PRH1: variants seen among roughly 807,000 people sequenced by gnomAD.
PRH1 encodes salivary acidic proline-rich phosphoprotein 1/2.
In PRH1, 7 loss-of-function variants were observed where a neutral mutation model predicts 7.9. The ratio of observed to expected loss-of-function variants is 0.89; its 90% CI spans 0.50 to 1.67. PRH1 has a LOEUF of 1.67. PRH1 is among the 40% of genes most tolerant of loss of function. The pLI, the probability that PRH1 is intolerant of heterozygous loss-of-function variation, is 0.00. For synonymous variants in PRH1, 45 were observed against 80.8 expected (o/e 0.56, Z 2.38); for missense variants, 109 against 223.6 (o/e 0.49, Z 3.27).
chr12:11,062,827 A>G (rs1295816097), intron 1 of PRH1, among the ~76,000 whole-genome samples: 1 of 152,172 alleles, frequency 6.6e-6, no homozygotes, highest in Non-Finnish European at 1.5e-5. Context: ...TTAAATACAC[A>G]GAATCCAAAC....
At chr12:11,076,296 T>C (rs1168857671) in intron 1 of PRH1, among the ~76,000 whole-genome samples, 1 of 120,188 alleles carries the variant, frequency 8.3e-6, no homozygotes, top group Admixed American at 8.5e-5. Context: ...AACATATCAT[T>C]AATACATTTC....
chr12:11,136,991 GA>G (rs1946576932), intron 1 of PRH1, among the ~76,000 whole-genome samples: 1 of 152,206 alleles, frequency 6.6e-6, no homozygotes, highest in Admixed American at 6.5e-5. Context: ...GGTCACAGAA[GA>G]GATTAAAATC....
chr12:10,986,846 T>G, intron 1 of PRH1: 1 of 1,535,434 alleles, frequency 6.5e-7, no homozygotes, highest in South Asian at 1.3e-5. Context: ...AAAAAATGTA[T>G]AGAAAAGTTA....
chr12:10,997,836 C>T, intron 1 of PRH1: 1 of 1,604,068 alleles, frequency 6.2e-7, no homozygotes, highest in Non-Finnish European at 8.5e-7. Flanking sequence ...AATGCAACCA[C>T]TACTAGAATG....
chr12:11,168,334 A>AG (rs1947684325), intron 1 of PRH1, among the ~76,000 whole-genome samples: 1 of 88,584 alleles, frequency 1.1e-5, no homozygotes, highest in African/African-American at 3.7e-5. Context: ...GAAGGAAGGA[A>AG]GGAAGGAAGG....
At chr12:11,165,463 T>C (rs1034539298) in intron 1 of PRH1, among the ~76,000 whole-genome samples, 3 of 152,238 alleles carry the variant, frequency 2.0e-5, no homozygotes, top group Non-Finnish European at 4.4e-5. Flanking sequence ...AGCATTTTCA[T>C]TTGAGCTTCT....
chr12:10,912,602 T>A (rs1949916278), intron 2 of PRH1, among the ~76,000 whole-genome samples: 1 of 152,082 alleles, frequency 6.6e-6, no homozygotes, highest in Non-Finnish European at 1.5e-5. Flanking sequence ...TATTTTTACT[T>A]CCGTTGAGTA....
At chr12:10,933,027 A>C (rs1255436054) in intron 2 of PRH1, among the ~76,000 whole-genome samples, 1 of 152,182 alleles carries the variant, frequency 6.6e-6, no homozygotes, top group Non-Finnish European at 1.5e-5. Flanking sequence ...ATGATTCATA[A>C]ATTTTGAACT....
intron 1 of PRH1, among the ~76,000 whole-genome samples, chr12:11,057,269 A>G (rs1943403446): frequency 6.6e-6 from 1 of 152,150 alleles, no homozygotes; most frequent in South Asian, 2.1e-4. Flanking sequence ...AACTACTAAG[A>G]CTACAGGCAT....
Position 11,106,231 on chromosome 12 carries a change from C to T in PRH1, n.124-59043G>A, listed in dbSNP as rs1265384218. Reference sequence around the variant, plus strand: ...CTGGGATTACAGGCGTGAGCCACCGCGCCCGGCCATAACTTATTCTTAAGA... The same window carrying T: ...CTGGGATTACAGGCGTGAGCCACCGTGCCCGGCCATAACTTATTCTTAAGA... On this transcript the variant is annotated intron_variant and non_coding_transcript_variant, in intron 1 of 4. Transcript: ENST00000541977. 8.6e-5 allele frequency among the ~76,000 whole-genome samples: 4 copies of T among 46,740 alleles called. 2 individuals carry two copies. Among genetic ancestry groups the T allele is most frequent in the Admixed American group, 8.4e-4 (4 of 4,760 alleles). The allele number at this position is 46,740 out of a possible 152,430, so 30.7% of individuals were successfully genotyped here. A position where few individuals can be genotyped will look rare whatever the true frequency, so the allele number is the denominator to read the frequency against.
At chr12:11,168,640 G>A (rs1261810614) in intron 1 of PRH1, among the ~76,000 whole-genome samples, 1 of 152,160 alleles carries the variant, frequency 6.6e-6, no homozygotes, top group Admixed American at 6.5e-5. Flanking sequence ...CAGAATCAGA[G>A]TGATCAGAAA....
At chr12:11,057,341 T>C (rs960385181) in intron 1 of PRH1, among the ~76,000 whole-genome samples, 8 of 147,036 alleles carry the variant, frequency 5.4e-5, no homozygotes, top group Non-Finnish European at 1.1e-4. Flanking sequence ...TAGAGTTTTG[T>C]CTCATGTCCA....
intron 1 of PRH1, among the ~76,000 whole-genome samples, chr12:11,142,491 T>C (rs1267420732): frequency 1.3e-5 from 2 of 152,146 alleles, no homozygotes; most frequent in Non-Finnish European, 2.9e-5. Flanking sequence ...CACATTACAG[T>C]AGACAAAAAG....
At chr12:10,917,382 T>C (rs940219441) in intron 2 of PRH1, among the ~76,000 whole-genome samples, 4 of 152,246 alleles carry the variant, frequency 2.6e-5, no homozygotes, top group African/African-American at 4.8e-5. Context: ...TCTCTTGCTA[T>C]GTCCATTAAT....
chr12:11,140,477 C>G (rs1245217771), intron 1 of PRH1, among the ~76,000 whole-genome samples: 2 of 152,102 alleles, frequency 1.3e-5, no homozygotes, highest in Non-Finnish European at 2.9e-5. Context: ...GTAACTGATT[C>G]CTGAATGTGC....
intron 1 of PRH1, among the ~76,000 whole-genome samples, chr12:11,016,298 C>G (rs531834546): frequency 1.2e-4 from 19 of 152,318 alleles, no homozygotes; most frequent in African/African-American, 4.3e-4. Context: ...AGGCAAGACA[C>G]TTTGTGCTCC....
chr12:10,949,693 T>G (rs1416853666), intron 2 of PRH1, among the ~76,000 whole-genome samples: 1 of 152,120 alleles, frequency 6.6e-6, no homozygotes, highest in Non-Finnish European at 1.5e-5. Context: ...GAACATAACA[T>G]AGTTATGAAA....
chr12:11,055,520 G>A (rs1943328809), intron 1 of PRH1, among the ~76,000 whole-genome samples: 2 of 152,262 alleles, frequency 1.3e-5, no homozygotes, highest in African/African-American at 2.4e-5. Context: ...CCATGCTACT[G>A]AATGAGTTCA....
intron 1 of PRH1, chr12:11,021,674 A>G (rs1408995488): frequency 1.9e-6 from 3 of 1,607,896 alleles, no homozygotes; most frequent in African/African-American, 1.3e-5. Flanking sequence ...TCTTTCACTC[A>G]GCGTGTCATC....
Sources: gnomAD v4.1 joint callset for allele counts (sites outside exome capture counted in the v4.1 genomes callset) on GRCh38, gnomAD v4.1.1 for gene constraint, MANE v1.5 for transcripts, NCBI Gene and HGNC (gene_info 2026-07-23, HGNC 2026-07-21) for gene names.